KCTD17: variants seen among roughly 807,000 people sequenced by gnomAD.
KCTD17 encodes the protein BTB/POZ domain-containing protein KCTD17.
In KCTD17, 20 loss-of-function variants were observed where a neutral mutation model predicts 41.5. That is an observed-to-expected ratio of 0.48 (90% CI 0.34 to 0.70). The LOEUF (loss-of-function observed/expected upper bound fraction) is 0.70. KCTD17 is among the 30% of genes least tolerant of loss of function. The pLI is 0.01. For missense variants in KCTD17, 317 were observed against 427.2 expected (o/e 0.74, Z 2.27); for synonymous variants, 156 against 173.8 (o/e 0.90, Z 0.80).
intron 1 of KCTD17, chr22:37,052,509 C>T (rs1040546332): frequency 4.3e-6 from 2 of 466,224 alleles, no homozygotes; most frequent in Non-Finnish European, 8.8e-6. Flanking sequence ...AGCCTCCTTC[C>T]TCATCTGTAA....
chr22:37,051,950 G>T lies in KCTD17; in HGVS notation c.189+1G>T. ...GGGGGAAGAGCTGCAGTCGGACCGG[G>T]TGAGGCCCCCGGGGTGGGCGGCGAG... On this transcript the variant is annotated splice_donor_variant, in intron 1 of 8. Transcript: ENST00000403888. LOFTEE classifies it high-confidence loss of function. 1 of 1,479,076 alleles carries T rather than the reference G, an allele frequency of 6.8e-7. No homozygotes were observed. The allele number at this position is 1,479,076 out of a possible 1,614,324, so 91.6% of individuals were successfully genotyped here. A position where few individuals can be genotyped will look rare whatever the true frequency, so the allele number is the denominator to read the frequency against.
In KCTD17 at chr22:37,061,270, C is replaced by T; in HGVS notation, c.784+95C>T. ...GCCCCTGTCCGGGTTTTCTCTCTGC[C>T]TGCTCACGCCTCCATCCCGGGTCTG... On this transcript the variant is annotated intron_variant, in intron 7 of 8. Coordinates refer to ENST00000403888, the MANE Select transcript of KCTD17 (RefSeq NM_001282684.2). The surrounding 1 kb of genome is among the most constrained non-coding windows in gnomAD (Gnocchi z 6.6). 6.5e-7 allele frequency: 1 copy of T among 1,539,366 alleles called. No homozygotes were observed. Among genetic ancestry groups the T allele is most frequent in the Non-Finnish European group, 8.7e-7 (1 of 1,145,296 alleles).
In KCTD17 at chr22:37,061,227, C is replaced by T; in HGVS notation, c.784+52C>T. Reference sequence around the variant, plus strand: ...TCTTCCTCCTGGATCTCATCTGCACCCTGCCTCTTCCCTCTCTGCCCCTGT... The same window carrying T: ...TCTTCCTCCTGGATCTCATCTGCACTCTGCCTCTTCCCTCTCTGCCCCTGT... On this transcript the variant is annotated intron_variant, in intron 7 of 8. Coordinates refer to ENST00000403888, the MANE Select transcript of KCTD17 (RefSeq NM_001282684.2). The surrounding 1 kb of genome is among the most constrained non-coding windows in gnomAD (Gnocchi z 6.6). 4.5e-6 allele frequency: 7 copies of T among 1,548,916 alleles called. No homozygotes were observed. Among genetic ancestry groups the T allele is most frequent in the East Asian group, 2.4e-5 (1 of 40,904 alleles).
In KCTD17 at chr22:37,059,326, G is replaced by A. The variant is rs1925502355; in HGVS notation, c.500G>A (p.Gly167Asp). 6.2e-7 allele frequency: 1 copy of A among 1,612,774 alleles called. No individual in the cohort carries two copies. The highest frequency in any genetic ancestry group is 1.3e-5 in the African/African-American group (1 of 74,878). The change falls in exon 5 of 9, where the codon GGC becomes GAC. Residue 167 changes from glycine to aspartate, a missense_variant. By Grantham distance (94) the Gly-to-Asp change is moderately conservative. Around this residue, in one of 4 missense-constraint regions of KCTD17, gnomAD observed 177 missense variants for 194.4 expected, o/e 0.91. Transcript: ENST00000403888. ...GWRFEQLVNI[G>D]SSYNYGSEDQ... ...CCGCCCCTCTAGCTGGTGAACATCG[G>A]CTCCTCCTACAACTACGGCAGCGAG...
Position 37,058,444 on chromosome 22 carries a change from A to C in KCTD17, c.487-869A>C, listed in dbSNP as rs117406281. 1.1e-4 allele frequency among the ~76,000 whole-genome samples: 17 copies of C among 152,372 alleles called. No homozygotes were observed. The East Asian group carries it at 3.3e-3, about 29-fold the overall frequency. The stretch of plus-strand genomic sequence containing the variant: ...GGACTCTTGTGAGATTAGAAGGGCC[A>C]TCAGTAAAGCTTACAGCCCTCCGTA... On this transcript the variant is annotated intron_variant, in intron 4 of 8. Transcript: ENST00000403888.
intron 8 of KCTD17, chr22:37,062,299 G>C: frequency 1.0e-6 from 1 of 984,728 alleles, no homozygotes; most frequent in African/African-American, 1.8e-5. Flanking sequence ...TGGGTTAGTT[G>C]GGGAGCCCTT....
chr22:37,061,491 C>G lies in KCTD17; in HGVS notation c.785-48C>G. The G allele has an allele frequency of 1.3e-6, 2 of 1,564,522 alleles. No homozygotes were observed. Among genetic ancestry groups the G allele is most frequent in the Non-Finnish European group, 1.7e-6 (2 of 1,159,416 alleles). On this transcript the variant is annotated intron_variant, in intron 7 of 8. Coordinates refer to ENST00000403888, the MANE Select transcript of KCTD17 (RefSeq NM_001282684.2). This position sits in a 1 kb window ranked among gnomAD's most constrained non-coding sequence, Gnocchi z 6.6. ...GACTGGGCCCTGGCTGCAGGCCCTG[C>G]CCCCCCTCCTCTCCTCCCGGCCTCC...
rs543869395 is a variant in KCTD17 at position 37,053,079 on chromosome 22, G to C, written c.190-21G>C. 4 of 1,551,014 alleles carry C rather than the reference G, an allele frequency of 2.6e-6. No individual in the cohort carries two copies. The highest frequency in any genetic ancestry group is 1.9e-5 in the Admixed American group (1 of 52,866). On this transcript the variant is annotated intron_variant, in intron 1 of 8. Coordinates refer to ENST00000403888, the MANE Select transcript of KCTD17 (RefSeq NM_001282684.2). The surrounding 1 kb of genome is among the most constrained non-coding windows in gnomAD (Gnocchi z 4.1). Reference sequence around the variant, plus strand: ...GGAGAAGCCTCACTCTTCTCTCACCGAGCATCCCTCACCTCCATAGGATGA... The same window carrying C: ...GGAGAAGCCTCACTCTTCTCTCACCCAGCATCCCTCACCTCCATAGGATGA...
chr22:37,060,710 T>G, intron 5 of KCTD17, 113 bp from the exon 6 acceptor site: 1 of 1,398,498 alleles, frequency 7.2e-7, no homozygotes, highest in Non-Finnish European at 9.3e-7. Flanking sequence ...TCCCCTCTCC[T>G]GAGGTCCCTT....
chr22:37,056,009 A>C (rs1034435300), intron 2 of KCTD17, among the ~76,000 whole-genome samples: 3 of 152,178 alleles, frequency 2.0e-5, no homozygotes, highest in Admixed American at 1.3e-4. Context: ...CATTCTGGGG[A>C]TCAGTCCCAA....
At chr22:37,059,184 G>A in intron 4 of KCTD17, 129 bp from the exon 5 acceptor site, 1 of 1,301,930 alleles carries the variant, frequency 7.7e-7, no homozygotes, top group Non-Finnish European at 1.1e-6. Context: ...AAACCCAGGA[G>A]TGGGCCCGAC....
At chr22:37,056,549 G>C (rs1449030702) in intron 3 of KCTD17, 138 bp downstream of exon 3, 3 of 675,000 alleles carry the variant, frequency 4.4e-6, no homozygotes, top group Non-Finnish European at 5.1e-6. Context: ...TGGCCTGTAA[G>C]GAGAGGCATG....
chr22:37,054,738 G>T (rs571627816), intron 2 of KCTD17, among the ~76,000 whole-genome samples: 1 of 152,292 alleles, frequency 6.6e-6, no homozygotes, highest in African/African-American at 2.4e-5. Context: ...GGAGGATGTG[G>T]GATGCAGTGC....
At position 37,061,808 on chromosome 22, in the gene KCTD17, C is replaced by T; in HGVS notation, c.875+179C>T. 1.0e-6 allele frequency: 1 copy of T among 985,382 alleles called. No individual in the cohort carries two copies. Among genetic ancestry groups the T allele is most frequent in the Non-Finnish European group, 1.2e-6 (1 of 829,920 alleles). 61.0% of individuals were successfully genotyped at this position (985,382 alleles called of 1,614,324 possible). On this transcript the variant is annotated intron_variant, in intron 8 of 8. Coordinates refer to ENST00000403888, the MANE Select transcript of KCTD17 (RefSeq NM_001282684.2). This position sits in a 1 kb window ranked among gnomAD's most constrained non-coding sequence, Gnocchi z 6.6. ...AGAAAGTTAGGGAGTGGGAACTTTCCTACCAGCCCATCAGCACCAGAGCCA... is the reference window on the plus strand; with the variant it reads ...AGAAAGTTAGGGAGTGGGAACTTTCTTACCAGCCCATCAGCACCAGAGCCA...
Position 37,061,137 on chromosome 22 carries a change from C to G in KCTD17, c.746C>G (p.Ser249Cys). 5 of 1,551,314 alleles carry G rather than the reference C, an allele frequency of 3.2e-6. No individual in the cohort carries two copies. Among genetic ancestry groups the G allele is most frequent in the Non-Finnish European group, 4.4e-6 (5 of 1,146,952 alleles). ...TCTCAGGATCCCGCTAACCTTTTCTCCCTCCCACCACTGCCTCCTCCTCCG... is the reference window on the plus strand; with the variant it reads ...TCTCAGGATCCCGCTAACCTTTTCTGCCTCCCACCACTGCCTCCTCCTCCG... ...QSSQDPANLF[S>C]LPPLPPPPLP... is the part of the protein sequence containing the mutation. Residue 249 changes from serine (S) to cysteine (C), a missense_variant, in exon 7 of 9, where the codon TCC becomes TGC. Transcript: ENST00000403888. The surrounding 1 kb of genome is among the most constrained non-coding windows in gnomAD (Gnocchi z 6.6).
At position 37,060,891 on chromosome 22, in the gene KCTD17, G is replaced by A. The variant is rs1217264520; in HGVS notation, c.681G>A (p.Gln227=). ...AGGTGGAGGAGGTGGAGGTGGAACA[G>A]GTGCAGGTGGAGGCAGATGCACAGG... ...EEEVEEVEVE[Q]VQVEADAQEK... The change falls in exon 6 of 9, where the codon CAG becomes CAA. Residue 227 remains glutamine, a synonymous_variant. Coordinates refer to ENST00000403888, the MANE Select transcript of KCTD17 (RefSeq NM_001282684.2). 1.3e-6 allele frequency: 2 copies of A among 1,541,610 alleles called. No homozygotes were observed. Among genetic ancestry groups the A allele is most frequent in the African/African-American group, 2.7e-5 (2 of 72,852 alleles).
intron 4 of KCTD17, among the ~76,000 whole-genome samples, chr22:37,058,606 C>T (rs1214172044): frequency 6.6e-6 from 1 of 152,230 alleles, no homozygotes; most frequent in Non-Finnish European, 1.5e-5. Context: ...CTTCAGCAGG[C>T]CTGAGATTCT....
intron 1 of KCTD17, chr22:37,052,262 A>C: frequency 7.5e-6 from 3 of 399,142 alleles, no homozygotes; most frequent in Non-Finnish European, 1.4e-5. Flanking sequence ...CTCCCTCCCA[A>C]AGGGGACTCC....
In KCTD17 at chr22:37,059,520, G is replaced by C; in HGVS notation, c.612+82G>C. The C allele has an allele frequency of 4.1e-6, 6 of 1,479,902 alleles. No individual in the cohort carries two copies. The South Asian group carries it at 7.5e-5, about 19-fold the overall frequency. The allele number at this position is 1,479,902 out of a possible 1,614,324, so 91.7% of individuals were successfully genotyped here. A position where few individuals can be genotyped will look rare whatever the true frequency, so the allele number is the denominator to read the frequency against. On this transcript the variant is annotated intron_variant, in intron 5 of 8. Transcript: ENST00000403888. Reference sequence around the variant, plus strand: ...CCCCGCCTGTCCCGCCCCTGCGCCTGCACCATCCCTCCACCTCTCTCCCGC... The same window carrying C: ...CCCCGCCTGTCCCGCCCCTGCGCCTCCACCATCCCTCCACCTCTCTCCCGC...
Sources: gnomAD v4.1 joint callset for allele counts (sites outside exome capture counted in the v4.1 genomes callset) on GRCh38, gnomAD v4.1.1 for gene constraint, gnomAD v4.1.1 regional missense constraint, Gnocchi (gnomAD v3.1) non-coding constraint, MANE v1.5 for transcripts, NCBI Gene and HGNC (gene_info 2026-07-23, HGNC 2026-07-21) for gene names.